SGF29: variants seen among roughly 807,000 people sequenced by gnomAD.
SGF29 encodes SAGA complex associated factor 29, also known as SAGA-associated factor 29.
In SGF29, 15 loss-of-function variants were observed where a neutral mutation model predicts 38.1. That is an observed-to-expected ratio of 0.39 (90% CI 0.26 to 0.61). SGF29 has a LOEUF of 0.61. SGF29 is among the 20% of genes least tolerant of loss of function. The pLI is 0.49. For synonymous variants in SGF29, 151 were observed against 160.8 expected (o/e 0.94, Z 0.46); for missense variants, 184 against 394.6 (o/e 0.47, Z 4.52).
At chr16:28,570,745 T>C (rs910578468) in intron 1 of SGF29, among the ~76,000 whole-genome samples, 3 of 151,712 alleles carry the variant, frequency 2.0e-5, no homozygotes, top group Admixed American at 2.0e-4. Flanking sequence ...GCCCAGCTAA[T>C]TTTTGTATTT....
intron 1 of SGF29, among the ~76,000 whole-genome samples, chr16:28,573,446 G>A (rs1248624201): frequency 6.6e-6 from 1 of 152,116 alleles, no homozygotes; most frequent in Non-Finnish European, 1.5e-5. Flanking sequence ...TAGAGAAGTG[G>A]GTTGGAAAGT....
At chr16:28,577,083 A>G (rs934961754) in intron 1 of SGF29, among the ~76,000 whole-genome samples, 1 of 151,830 alleles carries the variant, frequency 6.6e-6, no homozygotes, top group Non-Finnish European at 1.5e-5. Context: ...CAGGAGAAAC[A>G]CTTGAACCCG....
At chr16:28,575,680 G>A (rs574874080) in intron 1 of SGF29, among the ~76,000 whole-genome samples, 7 of 152,290 alleles carry the variant, frequency 4.6e-5, no homozygotes, top group South Asian at 2.1e-4. Context: ...GTGAGACTCC[G>A]TCTCAAAACA....
chr16:28,561,686 T>C (rs2046791096), intron 1 of SGF29, among the ~76,000 whole-genome samples: 2 of 152,180 alleles, frequency 1.3e-5, no homozygotes, highest in South Asian at 4.1e-4. Context: ...GCTTGAAACC[T>C]TGCTGGAATT....
intron 1 of SGF29, among the ~76,000 whole-genome samples, chr16:28,555,066 A>T (rs1406586894): frequency 1.3e-5 from 2 of 152,188 alleles, no homozygotes; most frequent in African/African-American, 4.8e-5. Context: ...ATTACAGCTC[A>T]CTGCAGCCTC....
chr16:28,564,538 TGTATATATATAC>T (rs2046810911), intron 1 of SGF29, among the ~76,000 whole-genome samples: 2 of 104,622 alleles, frequency 1.9e-5, no homozygotes, highest in South Asian at 2.5e-4. Context: ...TATATATATA[TGTATATATATAC>T]GTATATATAT....
chr16:28,572,091 C>G (rs1329737849), intron 1 of SGF29, among the ~76,000 whole-genome samples: 1 of 150,112 alleles, frequency 6.7e-6, no homozygotes, highest in Admixed American at 6.6e-5. Flanking sequence ...GCCATTCTGC[C>G]TCAGCCTCCC....
chr16:28,558,536 G>A (rs116696176), intron 1 of SGF29, among the ~76,000 whole-genome samples: 1,766 of 152,260 alleles, frequency 0.012, 38 homozygotes, highest in African/African-American at 0.039. Context: ...TGGGATTACA[G>A]GCATGAGCCA....
Position 28,589,183 on chromosome 16 carries a change from G to T in SGF29, c.289+19G>T. 1.9e-6 allele frequency: 3 copies of T among 1,613,780 alleles called. No individual in the cohort carries two copies. The highest frequency in any genetic ancestry group is 2.5e-6 in the Non-Finnish European group (3 of 1,179,682). ...CGGATTGGTGAGTGGGAGAGAACAT[G>T]CTGGGAGGTCCTTTGCTAGGACAAG... is the stretch of plus-strand genomic sequence containing the variant. On this transcript the variant is annotated intron_variant, in intron 5 of 9. Coordinates refer to ENST00000317058, the MANE Select transcript of SGF29 (RefSeq NM_138414.3).
chr16:28,564,568 T>C (rs1596597480), intron 1 of SGF29, among the ~76,000 whole-genome samples: 1 of 132,664 alleles, frequency 7.5e-6, no homozygotes, highest in Non-Finnish European at 1.6e-5. Context: ...TATATATACG[T>C]ATATATATAC....
chr16:28,586,847 A>G (rs1370846148), intron 4 of SGF29, among the ~76,000 whole-genome samples: 1 of 152,060 alleles, frequency 6.6e-6, no homozygotes, highest in African/African-American at 2.4e-5. Context: ...GCTATTTTCC[A>G]TTGTGTGATT....
At chr16:28,589,007 C>T in intron 4 of SGF29, 93 bp from the exon 5 acceptor site, 1 of 1,351,394 alleles carries the variant, frequency 7.4e-7, no homozygotes, top group Non-Finnish European at 1.1e-6. Flanking sequence ...CCAGCCTGGG[C>T]AATGTAGCTT....
intron 1 of SGF29, among the ~76,000 whole-genome samples, chr16:28,569,004 C>T (rs2046849663): frequency 6.6e-6 from 1 of 152,058 alleles, no homozygotes; most frequent in South Asian, 2.1e-4. Context: ...AGGAGAATCG[C>T]TTGAACCTGG....
At chr16:28,557,231 C>T (rs2046758102) in intron 1 of SGF29, among the ~76,000 whole-genome samples, 1 of 152,106 alleles carries the variant, frequency 6.6e-6, no homozygotes, top group South Asian at 2.1e-4. Flanking sequence ...TCAGACCGTG[C>T]TTAATGAAAG....
chr16:28,562,903 CAAAAAAAA>C (rs753973229), intron 1 of SGF29, among the ~76,000 whole-genome samples: 2 of 50,904 alleles, frequency 3.9e-5, no homozygotes, highest in Admixed American at 2.6e-4. Context: ...GACCCTGTCT[CAAAAAAAA>C]AAAAAAAAAA....
chr16:28,577,040 G>T (rs1397575648), intron 1 of SGF29, among the ~76,000 whole-genome samples: 2 of 152,088 alleles, frequency 1.3e-5, no homozygotes, highest in African/African-American at 4.8e-5. Flanking sequence ...CGGGCGTGGT[G>T]GTGGGCGCCT....
intron 2 of SGF29, among the ~76,000 whole-genome samples, chr16:28,582,032 A>G (rs1034907713): frequency 6.6e-6 from 1 of 152,070 alleles, no homozygotes; most frequent in Non-Finnish European, 1.5e-5. Context: ...GCTCTGCCAC[A>G]TTTTGCCCAC....
chr16:28,561,488 G>A (rs760544601), intron 1 of SGF29, among the ~76,000 whole-genome samples: 4 of 151,650 alleles, frequency 2.6e-5, no homozygotes, highest in Admixed American at 6.6e-5. Context: ...AGCCAAGATC[G>A]CACCACTGCA....
At chr16:28,557,383 G>A (rs2046758686) in intron 1 of SGF29, among the ~76,000 whole-genome samples, 1 of 152,164 alleles carries the variant, frequency 6.6e-6, no homozygotes, top group Admixed American at 6.6e-5. Flanking sequence ...CTGGAGGGTG[G>A]CGTGCCCAGG....
Sources: allele counts gnomAD v4.1 joint callset (sites outside exome capture counted in the v4.1 genomes callset), GRCh38; gene constraint gnomAD v4.1.1; transcripts MANE v1.5; gene names NCBI Gene and HGNC (gene_info 2026-07-23, HGNC 2026-07-21).